MAGI1: variants seen among roughly 807,000 people sequenced by gnomAD.
MAGI1 encodes the protein membrane-associated guanylate kinase, WW and PDZ domain-containing protein 1.
A neutral mutation model predicts 139.9 loss-of-function variants in MAGI1; 58 were observed. The observed-to-expected ratio is 0.41, with a 90% CI of 0.34 to 0.52. The LOEUF is 0.52. Among genes scored for constraint, MAGI1 ranks in the 20% least tolerant of loss-of-function variants. The probability of loss-of-function intolerance (pLI) is 0.12; values close to 1 mark genes in which losing one functional copy is unlikely to be tolerated. For missense variants in MAGI1, 1,874 were observed against 1,901.6 expected (o/e 0.99, Z 0.27); for synonymous variants, 812 against 737.9 (o/e 1.10, Z -1.63).
intron 2 of MAGI1, among the ~76,000 whole-genome samples, chr3:65,594,140 C>T (rs1034177967): frequency 6.6e-6 from 1 of 152,188 alleles, no homozygotes; most frequent in Non-Finnish European, 1.5e-5. Context: ...TCAGCAACAG[C>T]AGCTCAAGGA....
chr3:65,436,891 T>C (rs1369567094), intron 10 of MAGI1, among the ~76,000 whole-genome samples: 3 of 152,100 alleles, frequency 2.0e-5, no homozygotes, highest in Non-Finnish European at 1.5e-5. Context: ...GGTGCTGAGA[T>C]TGAGAAACGT....
chr3:65,562,013 C>T (rs1444594151), intron 2 of MAGI1, among the ~76,000 whole-genome samples: 3 of 152,100 alleles, frequency 2.0e-5, no homozygotes, highest in Admixed American at 6.6e-5. Context: ...AATTTTATTA[C>T]AGTATATCAT....
intron 18 of MAGI1, among the ~76,000 whole-genome samples, chr3:65,371,109 C>A (rs911109073): frequency 6.6e-6 from 1 of 152,250 alleles, no homozygotes; most frequent in African/African-American, 2.4e-5. Flanking sequence ...CTCATTCCCA[C>A]AATAAGATTG....
chr3:65,886,108 T>C (rs2060521247), intron 1 of MAGI1, among the ~76,000 whole-genome samples: 1 of 152,228 alleles, frequency 6.6e-6, no homozygotes, highest in African/African-American at 2.4e-5. Context: ...TTTAGAACTG[T>C]AATGGGCCAA....
At chr3:65,462,534 G>C (rs1949876870) in intron 5 of MAGI1, among the ~76,000 whole-genome samples, 2 of 152,170 alleles carry the variant, frequency 1.3e-5, no homozygotes, top group South Asian at 4.1e-4. Context: ...TTGTAGTATA[G>C]TTTAAAGTCA....
chr3:65,418,038 C>T (rs1490418847), intron 12 of MAGI1, among the ~76,000 whole-genome samples: 3 of 152,094 alleles, frequency 2.0e-5, no homozygotes, highest in African/African-American at 7.2e-5. Context: ...TGACAGGTAC[C>T]TACTCAGTAG....
At chr3:65,651,152 C>G (rs2085555458) in intron 1 of MAGI1, among the ~76,000 whole-genome samples, 1 of 152,050 alleles carries the variant, frequency 6.6e-6, no homozygotes, top group African/African-American at 2.4e-5. Context: ...CGGCATTTGC[C>G]TTTTTTGCCC....
intron 1 of MAGI1, among the ~76,000 whole-genome samples, chr3:65,650,899 A>C (rs1442063001): frequency 6.6e-6 from 1 of 152,210 alleles, no homozygotes. Context: ...CAATGTAGAA[A>C]GTATTTAGTT....
At chr3:65,801,500 C>T (rs1441767919) in intron 1 of MAGI1, among the ~76,000 whole-genome samples, 1 of 151,936 alleles carries the variant, frequency 6.6e-6, no homozygotes, top group African/African-American at 2.4e-5. Flanking sequence ...TTAGCAGAAA[C>T]AGCATTATAG....
At chr3:65,562,939 G>A (rs547158441) in intron 2 of MAGI1, among the ~76,000 whole-genome samples, 18 of 152,276 alleles carry the variant, frequency 1.2e-4, no homozygotes, top group African/African-American at 4.3e-4. Context: ...GGGATCTGTA[G>A]TATCTTTCAT....
intron 1 of MAGI1, among the ~76,000 whole-genome samples, chr3:65,903,463 G>A (rs9879043): frequency 0.017 from 2,587 of 152,140 alleles, 85 homozygotes; most frequent in African/African-American, 0.059. Flanking sequence ...ACTTCCTAGG[G>A]CAGCATAAGA....
In MAGI1 at chr3:65,353,566, A is replaced by G. The variant is rs1359200824; in HGVS notation, c.*2812T>C. 6.6e-6 allele frequency: 1 copy of G among 152,216 alleles called. No homozygotes were observed. The highest frequency in any genetic ancestry group is 1.9e-4 in the East Asian group (1 of 5,200). The allele number at this position is 152,216 out of a possible 1,614,324, so 9.4% of individuals were successfully genotyped here. ...TACATTTCCATGTATTTTTACAGTA[A>G]AAATGCATTAAAAAATCTTTCACAA... is the stretch of plus-strand genomic sequence containing the variant. On this transcript the variant is annotated 3_prime_UTR_variant, in exon 23 of 23. Coordinates refer to ENST00000402939, the MANE Select transcript of MAGI1 (RefSeq NM_001033057.2).
chr3:65,387,113 G>C, intron 14 of MAGI1: 1 of 1,574,968 alleles, frequency 6.3e-7, no homozygotes, highest in Non-Finnish European at 8.7e-7. Context: ...AATGAAAACG[G>C]AGAGACAAAA....
rs188908131 is a variant in MAGI1 at position 65,972,447 on chromosome 3, T to A, written c.313+65549A>T. Among the ~76,000 whole-genome samples, 3 of 107,452 alleles carry A rather than the reference T, an allele frequency of 2.8e-5. No homozygotes were observed. In the Admixed American group the frequency reaches 3.5e-4, roughly 13 times the overall value. 70.5% of individuals were successfully genotyped at this position (107,452 alleles called of 152,430 possible). A position where few individuals can be genotyped will look rare whatever the true frequency, so the allele number is the denominator to read the frequency against. ...TGACATATACATGTTTCTTCCTTTA[T>A]TAAAATTATAATAAATTAATTAATT... On this transcript the variant is annotated intron_variant, in intron 1 of 22. Coordinates refer to ENST00000402939, the MANE Select transcript of MAGI1 (RefSeq NM_001033057.2).
At chr3:65,818,453 G>A (rs543135880) in intron 1 of MAGI1, among the ~76,000 whole-genome samples, 2 of 152,112 alleles carry the variant, frequency 1.3e-5, no homozygotes, top group South Asian at 2.1e-4. Context: ...CAAATAGGGG[G>A]GTCCAACCCA....
At chr3:65,938,554 C>T (rs561355382) in intron 1 of MAGI1, among the ~76,000 whole-genome samples, 4 of 152,050 alleles carry the variant, frequency 2.6e-5, no homozygotes, top group South Asian at 2.1e-4. Flanking sequence ...CCTCCCTACT[C>T]GCCAAGAGAC....
chr3:65,393,558 G>T (rs1330130213), intron 13 of MAGI1, among the ~76,000 whole-genome samples: 1 of 152,036 alleles, frequency 6.6e-6, no homozygotes, highest in Admixed American at 6.6e-5. Flanking sequence ...TTTTAGTAAT[G>T]TTTTACTTTT....
chr3:65,872,727 A>C (rs940726457), intron 1 of MAGI1: 2 of 152,250 alleles, frequency 1.3e-5, no homozygotes, highest in African/African-American at 2.4e-5. Context: ...AATATTATAC[A>C]ACCAATAAAA....
chr3:65,841,619 G>A (rs111743051), intron 1 of MAGI1, among the ~76,000 whole-genome samples: 3 of 151,966 alleles, frequency 2.0e-5, no homozygotes, highest in Admixed American at 6.6e-5. Context: ...GTAGAGACGA[G>A]GTTTCACCAT....
Sources: allele counts gnomAD v4.1 joint callset (sites outside exome capture counted in the v4.1 genomes callset), GRCh38; gene constraint gnomAD v4.1.1; transcripts MANE v1.5; gene names NCBI Gene and HGNC (gene_info 2026-07-23, HGNC 2026-07-21).